Variants in IGSF9 observed in about 807,000 individuals in gnomAD.
The protein encoded by IGSF9 is immunoglobulin superfamily member 9.
In IGSF9, 87 loss-of-function variants were observed where a neutral mutation model predicts 121.7. That is an observed-to-expected ratio of 0.71 (90% CI 0.60 to 0.85). IGSF9 has a LOEUF of 0.85. Among genes scored for constraint, IGSF9 ranks in the 40% least tolerant of loss-of-function variants. The probability of loss-of-function intolerance (pLI) is 0.00; values close to 1 mark genes in which losing one functional copy is unlikely to be tolerated. For missense variants in IGSF9, 1,462 were observed against 1,565.3 expected (o/e 0.93, Z 1.11); for synonymous variants, 640 against 648.4 (o/e 0.99, Z 0.20).
At chr1:159,941,080 C>T (rs918585961) in intron 3 of IGSF9, among the ~76,000 whole-genome samples, 3 of 151,656 alleles carry the variant, frequency 2.0e-5, no homozygotes, top group Non-Finnish European at 2.9e-5. Flanking sequence ...TCCATGGCAT[C>T]GTTGATAAAT....
chr1:159,932,810 T>C lies in IGSF9; in HGVS notation c.1105-158A>G, dbSNP rs1651043603. The C allele has an allele frequency of 1.5e-6, 1 of 655,262 alleles. No homozygotes were observed. Among genetic ancestry groups the C allele is most frequent in the Non-Finnish European group, 2.5e-6 (1 of 398,542 alleles). 40.6% of individuals were successfully genotyped at this position (655,262 alleles called of 1,614,324 possible). A position where few individuals can be genotyped will look rare whatever the true frequency, so the allele number is the denominator to read the frequency against. ...CTGACCCCTCTCTGATTTCCAGTGC[T>C]TCCTTTCCTTCCTGCAGAGGGACCC... On this transcript the variant is annotated intron_variant, in intron 9 of 20. Transcript: ENST00000368094. This position sits in a 1 kb window ranked among gnomAD's most constrained non-coding sequence, Gnocchi z 4.1.
At chr1:159,943,760 G>T (rs1014876564) in intron 1 of IGSF9, 132 bp from the exon 2 acceptor site, 6 of 342,928 alleles carry the variant, frequency 1.7e-5, no homozygotes, top group Admixed American at 4.7e-5. Flanking sequence ...AGGGGGAAGG[G>T]GGGGATCTTG....
At chr1:159,930,105 G>A in intron 15 of IGSF9, 84 bp downstream of exon 15, 1 of 1,549,076 alleles carries the variant, frequency 6.5e-7, no homozygotes, top group Non-Finnish European at 8.7e-7. Context: ...CTCAAATCAA[G>A]ATGAGAAGAT....
rs369054158 is a variant in IGSF9, at chr1:159,931,951, G to A, written c.1246-23C>T. On this transcript the variant is annotated intron_variant, in intron 10 of 20. Coordinates refer to ENST00000368094, the MANE Select transcript of IGSF9 (RefSeq NM_001135050.2). This position sits in a 1 kb window ranked among gnomAD's most constrained non-coding sequence, Gnocchi z 4.8. Reference sequence around the variant, plus strand: ...AGCCTGCAAGCCAGATCTGGCATTGGGAGGGGCCCTCTCTTACATCTAAGG... The same window carrying A: ...AGCCTGCAAGCCAGATCTGGCATTGAGAGGGGCCCTCTCTTACATCTAAGG... The A allele has an allele frequency of 4.8e-6, 7 of 1,471,344 alleles. No homozygotes were observed. The African/African-American group carries it at 9.9e-5, about 21-fold the overall frequency. The allele number at this position is 1,471,344 out of a possible 1,614,324, so 91.1% of individuals were successfully genotyped here.
rs201522235 is a variant in IGSF9, at chr1:159,928,368, C to T, written c.3020G>A (p.Arg1007Gln). 3.9e-5 allele frequency: 63 copies of T among 1,609,280 alleles called. No homozygotes were observed. The highest frequency in any genetic ancestry group is 3.3e-4 in the Middle Eastern group (2 of 6,062). ...AGCAGGGAGAAGGCCTGGCAGCAGC[C>T]GCTCCCTCAGTGTCCAGTCAGCCAG... ...TALADWTLRE[R>Q]LLPGLLPAAP... The change falls in exon 19 of 21, where the codon CGG becomes CAG. Residue 1007 changes from arginine to glutamine, a missense_variant. By Grantham distance (43) the Arg-to-Gln change is conservative (BLOSUM62 1). This residue lies in a region of IGSF9 where 808 missense variants were observed against 815.2 expected (regional missense o/e 0.99). Transcript: ENST00000368094.
chr1:159,941,774 G>A (rs542377001), intron 3 of IGSF9, among the ~76,000 whole-genome samples: 1 of 152,370 alleles, frequency 6.6e-6, no homozygotes, highest in Admixed American at 6.5e-5. Context: ...GCGGAGGCAG[G>A]GAGGGAGGGC....
At chr1:159,933,891 A>G (rs1384730137) in intron 9 of IGSF9, 9 of 424,988 alleles carry the variant, frequency 2.1e-5, no homozygotes, top group Non-Finnish European at 3.5e-5. Flanking sequence ...ACAATTTCCC[A>G]GTCATCACAC....
Position 159,929,333 on chromosome 1 carries a change from G to C in IGSF9, c.2369+18C>G. On this transcript the variant is annotated intron_variant, in intron 18 of 20. Transcript: ENST00000368094. ...CAATGGAAAGGCAGAAGAAAGCCAA[G>C]GAGGTGGAGGCACTTACGGTGCAGC... 6.2e-7 allele frequency: 1 copy of C among 1,613,234 alleles called. No individual in the cohort carries two copies. The highest frequency in any genetic ancestry group is 8.5e-7 in the Non-Finnish European group (1 of 1,179,114).
rs762782876 is a variant in IGSF9, at chr1:159,927,097, C to CACACACACACACAG, written c.*247_*248insCTGTGTGTGTGTGT. 8.1e-6 allele frequency: 3 copies of CACACACACACACAG among 371,878 alleles called. No homozygotes were observed. Among genetic ancestry groups the CACACACACACACAG allele is most frequent in the African/African-American group, 7.1e-5 (3 of 42,230 alleles). 23.0% of individuals were successfully genotyped at this position (371,878 alleles called of 1,614,324 possible). On this transcript the variant is annotated 3_prime_UTR_variant, in exon 21 of 21. Transcript: ENST00000368094. ...AACTTCACACACACACACACACACA[C>CACACACACACACAG]AGAGAGAGAGAGAGAGAGAGAGAGA...
At position 159,930,724 on chromosome 1, in the gene IGSF9, G is replaced by A. The variant is rs1421182059; in HGVS notation, c.1781C>T (p.Pro594Leu). 2 of 1,614,092 alleles carry A rather than the reference G, an allele frequency of 1.2e-6. No homozygotes were observed. The highest frequency in any genetic ancestry group is 1.7e-6 in the Non-Finnish European group (2 of 1,179,992). ...VLAQNKLGSG[P>L]FSEIVLSAPE... ...AGCAGACAAGACGATTTCGCTGAAG[G>A]GACCACTCCCCAGCTTGTTCTGAGC... The change falls in exon 14 of 21, where the codon CCC (proline) becomes CTC (leucine). Residue 594 changes from proline to leucine, a missense_variant. Coordinates refer to ENST00000368094, the MANE Select transcript of IGSF9 (RefSeq NM_001135050.2).
chr1:159,942,042 C>T (rs1246327437), intron 3 of IGSF9, among the ~76,000 whole-genome samples: 4 of 152,252 alleles, frequency 2.6e-5, no homozygotes, highest in Non-Finnish European at 4.4e-5. Flanking sequence ...GTGGGGGTCT[C>T]CCCATCAACA....
chr1:159,927,925 G>A (rs749147923), intron 19 of IGSF9, 38 bp from the exon 20 acceptor site: 19 of 1,601,450 alleles, frequency 1.2e-5, no homozygotes, highest in Middle Eastern at 3.3e-4. Flanking sequence ...TATGGTGTGG[G>A]TGGAGGAATA....
rs1232557105 is a variant in IGSF9, at chr1:159,936,902, G to A, written c.407C>T (p.Pro136Leu). 3.1e-6 allele frequency: 5 copies of A among 1,613,998 alleles called. No homozygotes were observed. The South Asian group carries it at 4.4e-5, about 14-fold the overall frequency. The stretch of plus-strand genomic sequence containing the variant: ...AGCAGGAGGTGTCTCCTGGAATTGA[G>A]GGGGTGCTGCAAGGGAGACAGGCAT... Reference protein sequence around the residue: ...SWVHLTVNSPPQFQETPPAVL... With the variant: ...SWVHLTVNSPLQFQETPPAVL... The change falls in exon 5 of 21, where the codon CCT (proline) becomes CTT (leucine). Residue 136 changes from proline (P) to leucine (L), a missense_variant. Physicochemically the swap from Pro to Leu is moderately conservative, Grantham distance 98. This residue lies in a region of IGSF9 where 558 missense variants were observed against 599.4 expected (regional missense o/e 0.93). Transcript: ENST00000368094.
At chr1:159,941,541 C>G (rs890895879) in intron 3 of IGSF9, among the ~76,000 whole-genome samples, 3 of 152,194 alleles carry the variant, frequency 2.0e-5, no homozygotes, top group Non-Finnish European at 4.4e-5. Flanking sequence ...GACAGAAGAC[C>G]CACAGGTAGA....
At chr1:159,944,203 C>G (rs1183517162) in intron 1 of IGSF9, among the ~76,000 whole-genome samples, 1 of 152,112 alleles carries the variant, frequency 6.6e-6, no homozygotes, top group African/African-American at 2.4e-5. Context: ...CCCCAGGACA[C>G]CCCGATACAA....
chr1:159,931,860 G>T lies in IGSF9; in HGVS notation c.1314C>A (p.Ile438=). The T allele has an allele frequency of 6.3e-7, 1 of 1,596,994 alleles. No individual in the cohort carries two copies. Among genetic ancestry groups the T allele is most frequent in the Non-Finnish European group, 8.5e-7 (1 of 1,174,320 alleles). ...GAGGGTCCCCTTGGGCGGAGCAGGGGATGAGCAGCTCCCGCCCTACTTCTT... is the reference window on the plus strand; with the variant it reads ...GAGGGTCCCCTTGGGCGGAGCAGGGTATGAGCAGCTCCCGCCCTACTTCTT... ...YFQEVGRELL[I]PCSAQGDPPP... is the part of the protein sequence containing the mutation. The change falls in exon 11 of 21, where the codon ATC becomes ATA. Residue 438 remains isoleucine (I), a synonymous_variant. Transcript: ENST00000368094. The surrounding 1 kb of genome is among the most constrained non-coding windows in gnomAD (Gnocchi z 4.8).
In IGSF9 at chr1:159,930,786, C is replaced by T. The variant is rs768495490; in HGVS notation, c.1719G>A (p.Gly573=). The change falls in exon 14 of 21, where the codon GGG becomes GGA. Residue 573 remains glycine (G), a synonymous_variant. Transcript: ENST00000368094. ...ACTGGTACTGGGTGTGGGGCTGCAG[C>T]CCTGGCACTAGGAGGTGAGCAGCCC... The part of the protein sequence containing the change: ...PVGAAHLLVP[G]LQPHTQYQFS... 1.9e-6 allele frequency: 3 copies of T among 1,614,118 alleles called. No homozygotes were observed. Among genetic ancestry groups the T allele is most frequent in the South Asian group, 2.2e-5 (2 of 91,084 alleles).
chr1:159,939,158 C>G (rs1450884714), intron 3 of IGSF9, among the ~76,000 whole-genome samples: 2 of 152,190 alleles, frequency 1.3e-5, no homozygotes, highest in East Asian at 1.9e-4. Context: ...TTGCCAGTCT[C>G]CCTGCCTCCA....
intron 4 of IGSF9, among the ~76,000 whole-genome samples, 182 bp from the exon 5 acceptor site, chr1:159,937,090 ACCCACC>A (rs1651217504): frequency 6.6e-6 from 1 of 152,104 alleles, no homozygotes; most frequent in Non-Finnish European, 1.5e-5. Context: ...GATTCTGTCA[ACCCACC>A]CCCACACACT....
Sources: gnomAD v4.1 joint callset for allele counts (sites outside exome capture counted in the v4.1 genomes callset) on GRCh38, gnomAD v4.1.1 for gene constraint, gnomAD v4.1.1 regional missense constraint, Gnocchi (gnomAD v3.1) non-coding constraint, MANE v1.5 for transcripts, NCBI Gene and HGNC (gene_info 2026-07-23, HGNC 2026-07-21) for gene names.